The following TRPS1 variants were observed in gnomAD, a reference collection of about 807,000 sequenced individuals.
The protein encoded by TRPS1 is transcriptional repressor GATA binding 1, also known as zinc finger transcription factor Trps1.
TRPS1 carries 6 observed loss-of-function variants against 101.2 expected under a neutral mutation model. The ratio of observed to expected loss-of-function variants is 0.06; its 90% CI spans 0.03 to 0.12. The LOEUF is 0.12. Ranked by LOEUF, TRPS1 falls within the 10% of genes least tolerant of loss-of-function variation. The pLI is 1.00. For synonymous variants in TRPS1, 578 were observed against 589.8 expected (o/e 0.98, Z 0.29); for missense variants, 1,363 against 1,567.0 (o/e 0.87, Z 2.20).
At chr8:115,628,198 C>G (rs1818552577) in intron 1 of TRPS1, among the ~76,000 whole-genome samples, 1 of 151,738 alleles carries the variant, frequency 6.6e-6, no homozygotes, top group Non-Finnish European at 1.5e-5. Flanking sequence ...CCTACTCTAC[C>G]ACAGGGAGCA....
chr8:115,586,354 C>T (rs1817558983), intron 5 of TRPS1, among the ~76,000 whole-genome samples: 1 of 152,188 alleles, frequency 6.6e-6, no homozygotes, highest in Non-Finnish European at 1.5e-5. Context: ...TCTTTTTCCA[C>T]ATGGAACTAG....
At chr8:115,512,595 C>A (rs1402681202) in intron 5 of TRPS1, among the ~76,000 whole-genome samples, 1 of 151,088 alleles carries the variant, frequency 6.6e-6, no homozygotes. Flanking sequence ...ATATTTTTGG[C>A]CGGAAAATAC....
At chr8:115,623,969 A>G (rs941921062) in intron 1 of TRPS1, among the ~76,000 whole-genome samples, 3 of 152,054 alleles carry the variant, frequency 2.0e-5, no homozygotes, top group African/African-American at 7.2e-5. Context: ...GTTACAGGAC[A>G]TAAGTCATTT....
At chr8:115,495,040 G>A (rs1815114449) in intron 5 of TRPS1, among the ~76,000 whole-genome samples, 1 of 152,072 alleles carries the variant, frequency 6.6e-6, no homozygotes, top group Non-Finnish European at 1.5e-5. Context: ...CTTAAACTTT[G>A]ATGCTTCAAC....
intron 1 of TRPS1, among the ~76,000 whole-genome samples, chr8:115,635,684 T>C (rs1345118295): frequency 6.6e-6 from 1 of 151,652 alleles, no homozygotes; most frequent in Non-Finnish European, 1.5e-5. Flanking sequence ...ACTGGCCAGG[T>C]GAAAAGAGAG....
intron 5 of TRPS1, among the ~76,000 whole-genome samples, chr8:115,443,842 G>A (rs1226234404): frequency 1.3e-5 from 2 of 152,110 alleles, no homozygotes; most frequent in Admixed American, 1.3e-4. Context: ...CCTGTGACTG[G>A]CTGACACCAA....
chr8:115,600,554 A>AATGCAAC (rs1817885299), intron 4 of TRPS1, among the ~76,000 whole-genome samples: 1 of 152,090 alleles, frequency 6.6e-6, no homozygotes, highest in African/African-American at 2.4e-5. Context: ...CTTCAGATCA[A>AATGCAAC]ATGCAACATC....
chr8:115,512,363 T>G (rs77177812), intron 5 of TRPS1, among the ~76,000 whole-genome samples: 1,994 of 151,818 alleles, frequency 0.013, 44 homozygotes, highest in African/African-American at 0.046. Flanking sequence ...AATTCAAAGC[T>G]TGGCCTTATT....
intron 5 of TRPS1, among the ~76,000 whole-genome samples, chr8:115,485,936 T>C (rs1158419790): frequency 6.6e-6 from 1 of 152,192 alleles, no homozygotes; most frequent in Non-Finnish European, 1.5e-5. Context: ...ATTAGTCATG[T>C]CACATTTGAA....
chr8:115,451,782 G>A (rs1345832548), intron 5 of TRPS1, among the ~76,000 whole-genome samples: 1 of 152,142 alleles, frequency 6.6e-6, no homozygotes, highest in Non-Finnish European at 1.5e-5. Context: ...TATAGGCAAT[G>A]AGCCTCATGT....
At chr8:115,512,653 A>G (rs923576821) in intron 5 of TRPS1, among the ~76,000 whole-genome samples, 4 of 151,682 alleles carry the variant, frequency 2.6e-5, no homozygotes, top group Middle Eastern at 3.4e-3. Context: ...ATATATATGA[A>G]TATTTTCTGT....
At chr8:115,512,838 A>C (rs1036460968) in intron 5 of TRPS1, among the ~76,000 whole-genome samples, 26 of 151,762 alleles carry the variant, frequency 1.7e-4, no homozygotes, top group African/African-American at 6.0e-4. Flanking sequence ...ATTGCAGAAA[A>C]GACATATCAA....
intron 5 of TRPS1, among the ~76,000 whole-genome samples, chr8:115,445,725 A>G (rs1296323148): frequency 6.6e-6 from 1 of 152,208 alleles, no homozygotes; most frequent in Non-Finnish European, 1.5e-5. Context: ...TTTTCTTTCA[A>G]GACATGGCTT....
intron 4 of TRPS1, among the ~76,000 whole-genome samples, chr8:115,597,992 T>C (rs1376571457): frequency 6.6e-6 from 1 of 152,194 alleles, no homozygotes; most frequent in Non-Finnish European, 1.5e-5. Flanking sequence ...TGATATCTTT[T>C]CAGTGGAAAA....
rs1403870317 is a variant in TRPS1, at chr8:115,414,716, A to G, written c.3192T>C (p.Asn1064=). 5 of 1,613,934 alleles carry G rather than the reference A, an allele frequency of 3.1e-6. No homozygotes were observed. The highest frequency in any genetic ancestry group is 4.2e-6 in the Non-Finnish European group (5 of 1,179,966). ...SPQESTGDPG[N]SSSVSEGKGS... ...CTTTCCCTTCAGATACGGATGAACT[A>G]TTTCCTGGATCTCCAGTACTTTCCT... is the stretch of plus-strand genomic sequence containing the variant. Residue 1064 remains asparagine (N), a synonymous_variant, in exon 7 of 7, where the codon AAT becomes AAC. Transcript: ENST00000395715. This position sits in a 1 kb window ranked among gnomAD's most constrained non-coding sequence, Gnocchi z 4.8.
Position 115,668,722 on chromosome 8 carries a change from AG to A in TRPS1, c.-300del, listed in dbSNP as rs1487987587. 1 of 14,534 alleles carries A rather than the reference AG, an allele frequency of 6.9e-5. No individual in the cohort carries two copies. Among genetic ancestry groups the A allele is most frequent in the African/African-American group, 1.8e-4 (1 of 5,454 alleles). 0.9% of individuals were successfully genotyped at this position (14,534 alleles called of 1,614,324 possible). The stretch of plus-strand genomic sequence containing the variant: ...CTCCCCCACCCTTATTAAAAAAGAG[AG>A]AGAGAGAGAGAGAGAGAGAAAGAGA... On this transcript the variant is annotated 5_prime_UTR_variant, in exon 1 of 7. Transcript: ENST00000395715.
intron 5 of TRPS1, among the ~76,000 whole-genome samples, chr8:115,542,595 T>C (rs1816480084): frequency 6.6e-6 from 1 of 151,976 alleles, no homozygotes; most frequent in Non-Finnish European, 1.5e-5. Context: ...TTTAGGGCTG[T>C]GGAAAAGGAT....
chr8:115,530,919 A>T (rs967313936), intron 5 of TRPS1, among the ~76,000 whole-genome samples: 1 of 151,578 alleles, frequency 6.6e-6, no homozygotes, highest in Admixed American at 6.6e-5. Flanking sequence ...ATCACACACC[A>T]GGGCCTGTCA....
intron 1 of TRPS1, among the ~76,000 whole-genome samples, chr8:115,646,726 C>T (rs11992019): frequency 0.048 from 7,266 of 152,032 alleles, 553 homozygotes; most frequent in African/African-American, 0.16. Context: ...TTAGCTAAGA[C>T]GTTTGACGGC....
Sources: gnomAD v4.1 joint callset for allele counts (sites outside exome capture counted in the v4.1 genomes callset) on GRCh38, gnomAD v4.1.1 for gene constraint, Gnocchi (gnomAD v3.1) non-coding constraint, MANE v1.5 for transcripts, NCBI Gene and HGNC (gene_info 2026-07-23, HGNC 2026-07-21) for gene names.